The following PINX1 variants were observed in gnomAD, a reference collection of about 807,000 sequenced individuals.
PINX1 encodes PIN2/TERF1-interacting telomerase inhibitor 1.
In PINX1, 34 loss-of-function variants were observed where a neutral mutation model predicts 25.4. That is an observed-to-expected ratio of 1.34 (90% CI 1.02 to 1.78). The LOEUF (loss-of-function observed/expected upper bound fraction) is 1.78. Among genes scored for constraint, PINX1 ranks in the 40% most tolerant of loss-of-function variants. The probability of loss-of-function intolerance (pLI) is 0.00; values close to 1 mark genes in which losing one functional copy is unlikely to be tolerated. For synonymous variants in PINX1, 197 were observed against 147.7 expected (o/e 1.33, Z -2.42); for missense variants, 592 against 404.9 (o/e 1.46, Z -3.97).
chr8:10,824,781 T>C (rs1317897846), intron 5 of PINX1, among the ~76,000 whole-genome samples: 1 of 152,230 alleles, frequency 6.6e-6, no homozygotes, highest in Non-Finnish European at 1.5e-5. Context: ...TACAGGTCAC[T>C]GAGTTTTATT....
intron 5 of PINX1, chr8:10,821,782 C>G (rs934398999): frequency 6.6e-6 from 1 of 152,218 alleles, no homozygotes; most frequent in Non-Finnish European, 1.5e-5. Context: ...CTATCCCTAA[C>G]CTATCCTCTG....
chr8:10,815,662 A>G (rs1235466890), intron 6 of PINX1, among the ~76,000 whole-genome samples: 1 of 152,222 alleles, frequency 6.6e-6, no homozygotes, highest in African/African-American at 2.4e-5. Flanking sequence ...GTGTACCCTG[A>G]GATACTGCCA....
intron 6 of PINX1, among the ~76,000 whole-genome samples, chr8:10,777,660 A>G (rs891634234): frequency 7.9e-5 from 12 of 152,322 alleles, no homozygotes; most frequent in South Asian, 2.1e-4. Context: ...GGTCCCCCCA[A>G]AATTGCCTTT....
intron 6 of PINX1, chr8:10,787,897 C>A (rs1801801514): frequency 6.7e-6 from 3 of 445,040 alleles, no homozygotes; most frequent in Non-Finnish European, 1.3e-5. Context: ...ATCAATTAAT[C>A]TATAATATAC....
Position 10,774,303 on chromosome 8 carries a change from C to T in PINX1, c.472-8387G>A, listed in dbSNP as rs185610369. ...TAAGGTCTTTTTTTTTTTTTTGAGA[C>T]GGAGTTTCACTCTTGTTGCCCAGGC... is the stretch of plus-strand genomic sequence containing the variant. On this transcript the variant is annotated intron_variant, in intron 6 of 6. Coordinates refer to ENST00000314787, the MANE Select transcript of PINX1 (RefSeq NM_017884.6). Among the ~76,000 whole-genome samples, 63 of 147,866 alleles carry T rather than the reference C, an allele frequency of 4.3e-4. 2 individuals are homozygous for T. The highest frequency in any genetic ancestry group is 3.4e-3 in the Admixed American group (51 of 14,806).
At chr8:10,799,315 G>A (rs1802190469) in intron 6 of PINX1, among the ~76,000 whole-genome samples, 1 of 152,030 alleles carries the variant, frequency 6.6e-6, no homozygotes, top group African/African-American at 2.4e-5. Context: ...GACTTTAAAG[G>A]GTGTGTTCAT....
chr8:10,814,348 C>G (rs1797628483), intron 6 of PINX1, among the ~76,000 whole-genome samples: 1 of 152,198 alleles, frequency 6.6e-6, no homozygotes, highest in Non-Finnish European at 1.5e-5. Flanking sequence ...CCGGATTCAG[C>G]AGGGAAACAG....
At chr8:10,785,178 T>C (rs543613684) in intron 6 of PINX1, among the ~76,000 whole-genome samples, 34 of 152,348 alleles carry the variant, frequency 2.2e-4, no homozygotes, top group Non-Finnish European at 3.7e-4. Flanking sequence ...TGGAATTATA[T>C]AAGATTACAA....
At chr8:10,770,391 G>A (rs1243963980) in intron 6 of PINX1, among the ~76,000 whole-genome samples, 1 of 152,236 alleles carries the variant, frequency 6.6e-6, no homozygotes, top group East Asian at 1.9e-4. Flanking sequence ...ACCCTGCAGA[G>A]AGTCCCTGCG....
chr8:10,839,811 G>C lies in PINX1; in HGVS notation c.-55C>G, dbSNP rs574692243. 6.4e-7 allele frequency: 1 copy of C among 1,555,956 alleles called. No homozygotes were observed. Among genetic ancestry groups the C allele is most frequent in the East Asian group, 2.3e-5 (1 of 42,670 alleles). On this transcript the variant is annotated 5_prime_UTR_variant, in exon 1 of 7. Transcript: ENST00000314787. ...GGACCTGGGTGACTGCGGCCACTGG[G>C]CGGGCTGGAGACTCCAGGAGAATCA...
intron 6 of PINX1, among the ~76,000 whole-genome samples, chr8:10,800,423 T>C (rs897720627): frequency 2.0e-5 from 3 of 152,098 alleles, no homozygotes; most frequent in African/African-American, 7.2e-5. Context: ...ATGATCATTC[T>C]AAAACAATAG....
chr8:10,786,587 C>A (rs937509624), intron 6 of PINX1, among the ~76,000 whole-genome samples: 1 of 152,184 alleles, frequency 6.6e-6, no homozygotes, highest in East Asian at 1.9e-4. Flanking sequence ...GGGCTCACCC[C>A]ACAGGGTTGG....
intron 6 of PINX1, among the ~76,000 whole-genome samples, chr8:10,766,917 T>C (rs999218165): frequency 6.6e-6 from 1 of 152,188 alleles, no homozygotes; most frequent in Admixed American, 6.6e-5. Flanking sequence ...GAGGAGTGCC[T>C]GTGAGGCAGG....
intron 6 of PINX1, among the ~76,000 whole-genome samples, chr8:10,773,344 A>G (rs1337466353): frequency 6.6e-6 from 1 of 152,252 alleles, no homozygotes; most frequent in African/African-American, 2.4e-5. Flanking sequence ...GTCAGCAAGC[A>G]GCAGAGAGGC....
chr8:10,794,166 G>C (rs1335487084), intron 6 of PINX1, among the ~76,000 whole-genome samples: 1 of 151,942 alleles, frequency 6.6e-6, no homozygotes, highest in Non-Finnish European at 1.5e-5. Flanking sequence ...GCAGTGAAGG[G>C]GTATTTTTAG....
intron 6 of PINX1, among the ~76,000 whole-genome samples, chr8:10,802,975 A>G (rs1170593186): frequency 3.3e-5 from 5 of 152,196 alleles, no homozygotes; most frequent in Non-Finnish European, 4.4e-5. Flanking sequence ...TAGCAACTTC[A>G]CACTTGCAGG....
At chr8:10,779,456 A>C (rs538327939) in intron 6 of PINX1, among the ~76,000 whole-genome samples, 3 of 151,358 alleles carry the variant, frequency 2.0e-5, no homozygotes, top group African/African-American at 4.8e-5. Flanking sequence ...GATGACTGAA[A>C]ACATAATAAT....
Position 10,765,375 on chromosome 8 carries a change from G to C in PINX1, c.*26C>G. 1.3e-6 allele frequency: 2 copies of C among 1,556,172 alleles called. No homozygotes were observed. Among genetic ancestry groups the C allele is most frequent in the Non-Finnish European group, 1.7e-6 (2 of 1,156,772 alleles). ...CCCGCAGTGCCCTGACAGCTGAGTGGTCGGAAGGCCCCGGCTGGGAAGGAT... is the reference window on the plus strand; with the variant it reads ...CCCGCAGTGCCCTGACAGCTGAGTGCTCGGAAGGCCCCGGCTGGGAAGGAT... On this transcript the variant is annotated 3_prime_UTR_variant, in exon 7 of 7. Transcript: ENST00000314787.
chr8:10,828,460 T>C (rs752538777), intron 4 of PINX1, among the ~76,000 whole-genome samples: 10 of 152,084 alleles, frequency 6.6e-5, no homozygotes, highest in Admixed American at 5.2e-4. Flanking sequence ...CTGAACTCAC[T>C]ACAGAGGACG....
Sources: gnomAD v4.1 joint callset for allele counts (sites outside exome capture counted in the v4.1 genomes callset) on GRCh38, gnomAD v4.1.1 for gene constraint, MANE v1.5 for transcripts, NCBI Gene and HGNC (gene_info 2026-07-23, HGNC 2026-07-21) for gene names.